Variants in OXR1 observed in about 807,000 individuals in gnomAD.
The protein encoded by OXR1 is oxidation resistance 1.
OXR1 carries 41 observed loss-of-function variants against 104.6 expected under a neutral mutation model. The observed-to-expected ratio is 0.39, with a 90% CI of 0.31 to 0.51. OXR1 has a LOEUF of 0.51. Ranked by LOEUF, OXR1 falls within the 20% of genes least tolerant of loss-of-function variation. The pLI is 0.77. For synonymous variants in OXR1, 348 were observed against 348.4 expected (o/e 1.00, Z 0.01); for missense variants, 955 against 1,031.9 (o/e 0.93, Z 1.02).
chr8:106,500,429 C>T (rs1811722015), intron 2 of OXR1, among the ~76,000 whole-genome samples: 1 of 152,242 alleles, frequency 6.6e-6, no homozygotes, highest in Non-Finnish European at 1.5e-5. Flanking sequence ...TTCTGTTTCT[C>T]TCTGACCACT....
intron 1 of OXR1, among the ~76,000 whole-genome samples, chr8:106,333,231 C>T (rs1275734661): frequency 6.6e-6 from 1 of 152,064 alleles, no homozygotes; most frequent in Non-Finnish European, 1.5e-5. Flanking sequence ...TTTTTCACAG[C>T]AGCTATGAAC....
chr8:106,661,604 T>C (rs1825771400), intron 3 of OXR1, among the ~76,000 whole-genome samples: 1 of 152,212 alleles, frequency 6.6e-6, no homozygotes, highest in Non-Finnish European at 1.5e-5. Flanking sequence ...TAAATATAGA[T>C]AAATTTTACT....
At chr8:106,569,095 T>C (rs1817284663) in intron 3 of OXR1, among the ~76,000 whole-genome samples, 1 of 152,150 alleles carries the variant, frequency 6.6e-6, no homozygotes, top group African/African-American at 2.4e-5. Context: ...TAAATACAAT[T>C]CTGCAGCATC....
chr8:106,426,453 G>T (rs1460998941), intron 2 of OXR1, among the ~76,000 whole-genome samples: 2 of 152,070 alleles, frequency 1.3e-5, no homozygotes, highest in Admixed American at 1.3e-4. Context: ...TGTTCTTCAG[G>T]AAGTAGAGTT....
At chr8:106,312,742 C>T (rs1054677599) in intron 1 of OXR1, among the ~76,000 whole-genome samples, 2 of 152,136 alleles carry the variant, frequency 1.3e-5, no homozygotes, top group African/African-American at 4.8e-5. Context: ...ATTTATAAAG[C>T]TTAAATTAAA....
intron 1 of OXR1, among the ~76,000 whole-genome samples, chr8:106,355,265 A>C (rs1020364023): frequency 6.6e-6 from 1 of 152,202 alleles, no homozygotes; most frequent in Non-Finnish European, 1.5e-5. Context: ...ATGAATTCAT[A>C]TGTAAGTGTG....
intron 1 of OXR1, among the ~76,000 whole-genome samples, chr8:106,294,894 A>G (rs961673039): frequency 6.6e-6 from 1 of 151,954 alleles, no homozygotes; most frequent in Non-Finnish European, 1.5e-5. Context: ...ACCATTCTAC[A>G]TGTTTTTCCT....
intron 3 of OXR1, among the ~76,000 whole-genome samples, chr8:106,571,121 G>A (rs746551460): frequency 2.6e-5 from 4 of 151,396 alleles, no homozygotes; most frequent in Non-Finnish European, 4.4e-5. Context: ...GGCCAAAAAG[G>A]CAGATATCCA....
intron 3 of OXR1, among the ~76,000 whole-genome samples, chr8:106,525,204 C>G (rs1165199571): frequency 1.3e-5 from 2 of 152,322 alleles, no homozygotes; most frequent in East Asian, 3.9e-4. Flanking sequence ...GGAGGACGAG[C>G]TTAACATTTA....
intron 11 of OXR1, among the ~76,000 whole-genome samples, chr8:106,716,630 C>CAAAAA (rs760744812): frequency 5.6e-5 from 4 of 71,472 alleles, no homozygotes; most frequent in Admixed American, 1.9e-4. Context: ...GACTCCGTCT[C>CAAAAA]AAAAAAAAAA....
At chr8:106,627,066 A>G (rs1434521677) in intron 3 of OXR1, among the ~76,000 whole-genome samples, 1 of 152,132 alleles carries the variant, frequency 6.6e-6, no homozygotes, top group East Asian at 1.9e-4. Flanking sequence ...GCAAACAACT[A>G]AAACCAAGGC....
rs866899230 is a variant in OXR1, at chr8:106,707,458, C to A, written c.1624+313C>A. 40 of 505,934 alleles carry A rather than the reference C, an allele frequency of 7.9e-5. No individual in the cohort carries two copies. The Middle Eastern group carries it at 2.5e-3, about 31-fold the overall frequency. The allele number at this position is 505,934 out of a possible 1,614,324, so 31.3% of individuals were successfully genotyped here. A position where few individuals can be genotyped will look rare whatever the true frequency, so the allele number is the denominator to read the frequency against. ...ACAAAAGCTGTATAATACCTTTGAT[C>A]ACTCCATTTTCTCTTAAAAAGTTTT... On this transcript the variant is annotated intron_variant, in intron 9 of 16. Coordinates refer to ENST00000517566, the MANE Select transcript of OXR1 (RefSeq NM_001198533.2).
intron 1 of OXR1, among the ~76,000 whole-genome samples, chr8:106,335,106 T>TTCTCTC (rs146889844): frequency 1.3e-5 from 2 of 150,752 alleles, no homozygotes; most frequent in African/African-American, 2.4e-5. Flanking sequence ...AAACATGCCA[T>TTCTCTC]TCTCTCTCTC....
chr8:106,322,106 T>A (rs185931056), intron 1 of OXR1, among the ~76,000 whole-genome samples: 40 of 152,288 alleles, frequency 2.6e-4, no homozygotes, highest in African/African-American at 8.7e-4. Flanking sequence ...GTTTTGCGTA[T>A]TGAGTTTCAA....
intron 3 of OXR1, among the ~76,000 whole-genome samples, chr8:106,569,248 C>T (rs1007340753): frequency 1.3e-5 from 2 of 151,952 alleles, no homozygotes; most frequent in African/African-American, 4.8e-5. Context: ...ACCTATGCCC[C>T]CCTTCTTCTT....
chr8:106,495,540 G>A (rs1475631266), intron 2 of OXR1, among the ~76,000 whole-genome samples: 2 of 152,146 alleles, frequency 1.3e-5, no homozygotes, highest in African/African-American at 2.4e-5. Flanking sequence ...AAAAGCAGAA[G>A]TTACTAGAAG....
At chr8:106,314,116 A>G (rs1813827537) in intron 1 of OXR1, among the ~76,000 whole-genome samples, 1 of 152,218 alleles carries the variant, frequency 6.6e-6, no homozygotes, top group African/African-American at 2.4e-5. Flanking sequence ...ACCAGAGAGC[A>G]CATACGCAGC....
At chr8:106,357,775 A>C (rs978693063) in intron 1 of OXR1, among the ~76,000 whole-genome samples, 3 of 152,148 alleles carry the variant, frequency 2.0e-5, no homozygotes, top group African/African-American at 7.2e-5. Flanking sequence ...ATAAAATGTA[A>C]AATTGTCAGT....
chr8:106,285,063 A>T (rs1258112962), intron 1 of OXR1, among the ~76,000 whole-genome samples: 2 of 152,046 alleles, frequency 1.3e-5, no homozygotes, highest in Non-Finnish European at 2.9e-5. Flanking sequence ...GGTGTGCTGC[A>T]CCCATTAACT....
Sources: gnomAD v4.1 joint callset for allele counts (sites outside exome capture counted in the v4.1 genomes callset) on GRCh38, gnomAD v4.1.1 for gene constraint, MANE v1.5 for transcripts, NCBI Gene and HGNC (gene_info 2026-07-23, HGNC 2026-07-21) for gene names.